PLEKHH1: variants seen among roughly 807,000 people sequenced by gnomAD.
The protein encoded by PLEKHH1 is pleckstrin homology, MyTH4 and FERM domain containing H1, also known as pleckstrin homology domain-containing family H member 1.
In PLEKHH1, 104 loss-of-function variants were observed where a neutral mutation model predicts 160.0. The ratio of observed to expected loss-of-function variants is 0.65; its 90% confidence interval spans 0.55 to 0.76. The LOEUF is 0.76. Among genes scored for constraint, PLEKHH1 ranks in the 30% least tolerant of loss-of-function variants. The pLI, the probability that PLEKHH1 is intolerant of heterozygous loss-of-function variation, is 0.00. For missense variants in PLEKHH1, 1,427 were observed against 1,724.1 expected (o/e 0.83, Z 3.05); for synonymous variants, 619 against 678.4 (o/e 0.91, Z 1.36).
intron 2 of PLEKHH1, 34 bp downstream of exon 2, chr14:67,542,027 C>T: frequency 6.4e-7 from 1 of 1,562,658 alleles, no homozygotes; most frequent in Non-Finnish European, 8.7e-7. Flanking sequence ...TGCCTCTCCA[C>T]ACGCAGAGGT....
chr14:67,546,826 A>G (rs2034200469), intron 2 of PLEKHH1, among the ~76,000 whole-genome samples: 1 of 152,198 alleles, frequency 6.6e-6, no homozygotes, highest in Non-Finnish European at 1.5e-5. Flanking sequence ...TGATCACACT[A>G]CACTCCAGCC....
chr14:67,584,993 T>G (rs2036082064), intron 26 of PLEKHH1: 1 of 152,254 alleles, frequency 6.6e-6, no homozygotes, highest in Admixed American at 6.5e-5. Context: ...AAGAGAGAGA[T>G]TTTCTGGATT....
chr14:67,549,117 T>C (rs1166034965), intron 2 of PLEKHH1, among the ~76,000 whole-genome samples: 1 of 151,904 alleles, frequency 6.6e-6, no homozygotes, highest in African/African-American at 2.4e-5. Context: ...CAAGGATGAG[T>C]TGGAAGTATG....
intron 2 of PLEKHH1, among the ~76,000 whole-genome samples, chr14:67,549,203 G>A (rs2034296363): frequency 6.6e-6 from 1 of 152,116 alleles, no homozygotes; most frequent in African/African-American, 2.4e-5. Flanking sequence ...TGTTTTGGGA[G>A]AAGATGCCTT....
chr14:67,576,599 C>T lies in PLEKHH1; in HGVS notation c.2461+96C>T. The T allele has an allele frequency of 1.5e-6, 1 of 651,806 alleles. No individual in the cohort carries two copies. 40.4% of individuals were successfully genotyped at this position (651,806 alleles called of 1,614,324 possible). Reference sequence around the variant, plus strand: ...AAGAAAGCAGTGTTGTACCCTGAAGCTGTTTTTAAAACATCTAAGCCACAG... The same window carrying T: ...AAGAAAGCAGTGTTGTACCCTGAAGTTGTTTTTAAAACATCTAAGCCACAG... On this transcript the variant is annotated intron_variant, in intron 17 of 28. Transcript: ENST00000329153. The surrounding 1 kb of genome is among the most constrained non-coding windows in gnomAD (Gnocchi z 4.0).
At chr14:67,581,274 G>GCACACACACACA (rs71129838) in intron 23 of PLEKHH1, among the ~76,000 whole-genome samples, 1 of 148,000 alleles carries the variant, frequency 6.8e-6, no homozygotes, top group African/African-American at 2.5e-5. Context: ...GTGTGTATAT[G>GCACACACACACA]CACACACACA....
chr14:67,545,681 A>G (rs1322000698), intron 2 of PLEKHH1, among the ~76,000 whole-genome samples: 1 of 152,238 alleles, frequency 6.6e-6, no homozygotes, highest in Non-Finnish European at 1.5e-5. Context: ...ATGGATAAAC[A>G]TATTCAGTGT....
In PLEKHH1 at chr14:67,582,076, T is replaced by G; in HGVS notation, c.3292T>G (p.Phe1098Val). The G allele has an allele frequency of 6.2e-7, 1 of 1,610,108 alleles. No individual in the cohort carries two copies. Among genetic ancestry groups the G allele is most frequent in the Non-Finnish European group, 8.5e-7 (1 of 1,178,334 alleles). Residue 1098 changes from phenylalanine (F) to valine (V), a missense_variant, in exon 24 of 29, where the codon TTT becomes GTT. Coordinates refer to ENST00000329153, the MANE Select transcript of PLEKHH1 (RefSeq NM_020715.3). This position sits in a 1 kb window ranked among gnomAD's most constrained non-coding sequence, Gnocchi z 5.0. Reference sequence around the variant, plus strand: ...TTATTCTCTTCTTTGTAGGCTGTACTTTCGCAGTCAAGTCAAAGGGGAGAC... The same window carrying G: ...TTATTCTCTTCTTTGTAGGCTGTACGTTCGCAGTCAAGTCAAAGGGGAGAC... Reference protein sequence around the residue: ...VKLMYKNRLYFRSQVKGETDR... With the variant: ...VKLMYKNRLYVRSQVKGETDR...
At chr14:67,586,553 G>A (rs931961747) in intron 28 of PLEKHH1, 22 of 574,130 alleles carry the variant, frequency 3.8e-5, no homozygotes, top group Non-Finnish European at 5.8e-5. Context: ...GGGGAAGACC[G>A]CAAAAAGACC....
chr14:67,548,404 A>C (rs1384565355), intron 2 of PLEKHH1, among the ~76,000 whole-genome samples: 1 of 152,204 alleles, frequency 6.6e-6, no homozygotes, highest in Non-Finnish European at 1.5e-5. Flanking sequence ...GGTATTAATA[A>C]AAGAAGAAAT....
rs146626228 is a variant in PLEKHH1 at position 67,576,619 on chromosome 14, C to T, written c.2461+116C>T. On this transcript the variant is annotated intron_variant, in intron 17 of 28. Coordinates refer to ENST00000329153, the MANE Select transcript of PLEKHH1 (RefSeq NM_020715.3). This position sits in a 1 kb window ranked among gnomAD's most constrained non-coding sequence, Gnocchi z 4.0. ...TGAAGCTGTTTTTAAAACATCTAAG[C>T]CACAGAGGGGAAGTTCCCATCCAAG... The T allele has an allele frequency of 4.3e-5, 25 of 577,146 alleles. No homozygotes were observed. Among genetic ancestry groups the T allele is most frequent in the African/African-American group, 3.0e-4 (16 of 53,400 alleles). The allele number at this position is 577,146 out of a possible 1,614,324, so 35.8% of individuals were successfully genotyped here.
At chr14:67,583,385 T>C (rs1206822577) in intron 24 of PLEKHH1, among the ~76,000 whole-genome samples, 1 of 152,194 alleles carries the variant, frequency 6.6e-6, no homozygotes, top group South Asian at 2.1e-4. Context: ...CACTCTGCTG[T>C]ACTCTAGGAT....
At chr14:67,550,158 TA>T (rs35673382) in intron 2 of PLEKHH1, among the ~76,000 whole-genome samples, 181 of 145,178 alleles carry the variant, frequency 1.2e-3, no homozygotes, top group Middle Eastern at 3.5e-3. Context: ...GATCTGTTGC[TA>T]AAAAAAAAAA....
rs1385074587 is a variant in PLEKHH1 at position 67,577,375 on chromosome 14, C to T, written c.2535C>T (p.Pro845=). 2 of 1,591,548 alleles carry T rather than the reference C, an allele frequency of 1.3e-6. No individual in the cohort carries two copies. The highest frequency in any genetic ancestry group is 1.7e-5 in the Admixed American group (1 of 57,300). ...TATACGCCTCCCTCACCACCCTGCC[C>T]TCTGAGGCCTTGCAGACGGAGGCCC... ...DGLYASLTTL[P]SEALQTEALK... is the part of the protein sequence containing the mutation. Residue 845 remains proline (P), a synonymous_variant, in exon 18 of 29, where the codon CCC becomes CCT. Coordinates refer to ENST00000329153, the MANE Select transcript of PLEKHH1 (RefSeq NM_020715.3).
chr14:67,572,275 G>A lies in PLEKHH1; in HGVS notation c.1726G>A (p.Gly576Arg), dbSNP rs574733370. Residue 576 changes from glycine to arginine, a missense_variant and splice_region_variant, in exon 11 of 29, where the codon GGG becomes AGG. Coordinates refer to ENST00000329153, the MANE Select transcript of PLEKHH1 (RefSeq NM_020715.3). ...SYSTDGLGLG[G>R]ESLEKSGYLL... is the part of the protein sequence containing the mutation. ...CTCCACCGACGGGCTGGGCCTGGGCGGGGTGAGCCGGGAAACGGGCGGGGG... is the reference window on the plus strand; with the variant it reads ...CTCCACCGACGGGCTGGGCCTGGGCAGGGTGAGCCGGGAAACGGGCGGGGG... The A allele has an allele frequency of 2.1e-5, 33 of 1,593,884 alleles. No individual in the cohort carries two copies. The highest frequency in any genetic ancestry group is 2.0e-4 in the African/African-American group (15 of 74,730).
intron 7 of PLEKHH1, 63 bp from the exon 8 acceptor site, chr14:67,569,075 G>T: frequency 4.4e-6 from 5 of 1,137,750 alleles, no homozygotes. Flanking sequence ...TCCTGCACAT[G>T]CCTGGAGGGG....
intron 1 of PLEKHH1, among the ~76,000 whole-genome samples, chr14:67,540,810 C>A (rs2033935731): frequency 6.6e-6 from 1 of 152,132 alleles, no homozygotes; most frequent in African/African-American, 2.4e-5. Flanking sequence ...GTCTCCCAGG[C>A]ATTCTCTCCT....
Position 67,573,922 on chromosome 14 carries a change from G to T in PLEKHH1, c.1926+35G>T. The T allele has an allele frequency of 2.0e-6, 3 of 1,490,804 alleles. No individual in the cohort carries two copies. Among genetic ancestry groups the T allele is most frequent in the Non-Finnish European group, 2.8e-6 (3 of 1,067,134 alleles). The allele number at this position is 1,490,804 out of a possible 1,614,324, so 92.3% of individuals were successfully genotyped here. A position where few individuals can be genotyped will look rare whatever the true frequency, so the allele number is the denominator to read the frequency against. On this transcript the variant is annotated intron_variant, in intron 13 of 28. Coordinates refer to ENST00000329153, the MANE Select transcript of PLEKHH1 (RefSeq NM_020715.3). The surrounding 1 kb of genome is among the most constrained non-coding windows in gnomAD (Gnocchi z 4.8). Reference sequence around the variant, plus strand: ...CTCCTGGCTGCTAGTATTTTAAACAGAAGAGGTGCTGGGTTTGGATATGGC... The same window carrying T: ...CTCCTGGCTGCTAGTATTTTAAACATAAGAGGTGCTGGGTTTGGATATGGC...
chr14:67,563,003 TGGTGGC>T, intron 7 of PLEKHH1, 109 bp downstream of exon 7: 1 of 1,142,210 alleles, frequency 8.8e-7, no homozygotes, highest in Non-Finnish European at 1.2e-6. Context: ...GGCATCCTCA[TGGTGGC>T]CCTGGCAGGC....
Sources: allele counts gnomAD v4.1 joint callset (sites outside exome capture counted in the v4.1 genomes callset), GRCh38; gene constraint gnomAD v4.1.1; non-coding constraint Gnocchi (gnomAD v3.1); transcripts MANE v1.5; gene names NCBI Gene and HGNC (gene_info 2026-07-23, HGNC 2026-07-21).